PLCB4: variants seen among roughly 807,000 people sequenced by gnomAD.
PLCB4 encodes the protein phospholipase C beta 4.
PLCB4 carries 77 observed loss-of-function variants against 178.8 expected under a neutral mutation model. The ratio of observed to expected loss-of-function variants is 0.43; its 90% CI spans 0.36 to 0.52. The LOEUF is 0.52. Ranked by LOEUF, PLCB4 falls within the 20% of genes least tolerant of loss-of-function variation. The probability of loss-of-function intolerance (pLI) is 0.00; values close to 1 mark genes in which losing one functional copy is unlikely to be tolerated. For missense variants in PLCB4, 1,024 were observed against 1,453.4 expected (o/e 0.70, Z 4.80); for synonymous variants, 496 against 490.8 (o/e 1.01, Z -0.14).
rs575094813 is a variant in PLCB4, at chr20:9,431,051, G to T, written c.2525-4509G>T. ...ACTGTAACAAATAACCACAGACTGGGTGGTTTAAAACAGCAGAGATTTATG... is the reference window on the plus strand; with the variant it reads ...ACTGTAACAAATAACCACAGACTGGTTGGTTTAAAACAGCAGAGATTTATG... On this transcript the variant is annotated intron_variant, in intron 28 of 39. Coordinates refer to ENST00000378473, the MANE Select transcript of PLCB4 (RefSeq NM_001377142.1). Among the ~76,000 whole-genome samples, 18 of 152,316 alleles carry T rather than the reference G, an allele frequency of 1.2e-4. No individual in the cohort carries two copies. In the South Asian group the frequency reaches 3.7e-3, roughly 32 times the overall value.
chr20:9,230,653 T>C lies in PLCB4; in HGVS notation c.-16+13201T>C, dbSNP rs985081427. ...GATTGGGAAGTTCTTTTGGTCTCCA[T>C]TGGGCTCTCTTATGGGTCTCTGTTC... On this transcript the variant is annotated intron_variant, in intron 3 of 39. Coordinates refer to ENST00000378473, the MANE Select transcript of PLCB4 (RefSeq NM_001377142.1). 2.6e-4 allele frequency among the ~76,000 whole-genome samples: 40 copies of C among 152,246 alleles called. No homozygotes were observed. In the South Asian group the frequency reaches 4.4e-3, roughly 17 times the overall value.
intron 35 of PLCB4, 22 bp downstream of exon 35, chr20:9,459,832 G>A: frequency 6.5e-7 from 1 of 1,545,890 alleles, no homozygotes; most frequent in Non-Finnish European, 8.9e-7. Flanking sequence ...GCCGTCTCCA[G>A]AGTAAACATC....
At chr20:9,255,573 G>A (rs1431446860) in intron 3 of PLCB4, among the ~76,000 whole-genome samples, 1 of 137,922 alleles carries the variant, frequency 7.3e-6, no homozygotes, top group African/African-American at 2.7e-5. Flanking sequence ...GCAAAATCAT[G>A]CCCAAACCAA....
intron 2 of PLCB4, among the ~76,000 whole-genome samples, chr20:9,108,377 AG>A (rs1303337220): frequency 6.6e-6 from 1 of 152,068 alleles, no homozygotes; most frequent in Non-Finnish European, 1.5e-5. Flanking sequence ...GGATAAAGTG[AG>A]CTAATGAAGT....
chr20:9,252,924 A>G (rs887221577), intron 3 of PLCB4, among the ~76,000 whole-genome samples: 4 of 152,118 alleles, frequency 2.6e-5, no homozygotes, highest in African/African-American at 9.7e-5. Context: ...GACAGGAGTG[A>G]CACCACTGGC....
chr20:9,112,401 C>T (rs887212262), intron 2 of PLCB4, among the ~76,000 whole-genome samples: 1 of 151,766 alleles, frequency 6.6e-6, no homozygotes, highest in Non-Finnish European at 1.5e-5. Context: ...ATTACAGGCA[C>T]GGGCCACCAT....
chr20:9,137,625 T>C (rs2092409309), intron 2 of PLCB4, among the ~76,000 whole-genome samples: 1 of 152,092 alleles, frequency 6.6e-6, no homozygotes, highest in Non-Finnish European at 1.5e-5. Flanking sequence ...GAAATGGATC[T>C]ATCCATCTGG....
intron 13 of PLCB4, among the ~76,000 whole-genome samples, chr20:9,381,348 C>T (rs193200088): frequency 7.9e-4 from 120 of 152,248 alleles, no homozygotes; most frequent in African/African-American, 2.8e-3. Flanking sequence ...TGGTGGGGCT[C>T]ATGCAGTAAT....
intron 2 of PLCB4, among the ~76,000 whole-genome samples, chr20:9,214,729 A>G (rs1292856030): frequency 6.6e-6 from 1 of 152,164 alleles, no homozygotes; most frequent in Non-Finnish European, 1.5e-5. Context: ...ACATATTACT[A>G]CAACTCCAAG....
At chr20:9,201,240 A>T (rs1038418765) in intron 2 of PLCB4, among the ~76,000 whole-genome samples, 2 of 152,218 alleles carry the variant, frequency 1.3e-5, no homozygotes, top group Admixed American at 6.5e-5. Flanking sequence ...TTGCAATTAA[A>T]TTTAAACTAT....
chr20:9,473,295 C>A lies in PLCB4; in HGVS notation c.3425C>A (p.Ser1142Tyr), dbSNP rs776061898. The A allele has an allele frequency of 6.4e-6, 10 of 1,560,694 alleles. No individual in the cohort carries two copies. In the Admixed American group the frequency reaches 1.1e-4, roughly 17 times the overall value. Residue 1142 changes from serine (S) to tyrosine (Y), a missense_variant, in exon 38 of 40, where the codon TCC (serine) becomes TAC (tyrosine). By Grantham distance (144) the Ser-to-Tyr change is moderately radical. Around this residue, in one of 7 missense-constraint regions of PLCB4, gnomAD observed 264 missense variants for 283.2 expected, o/e 0.93. Transcript: ENST00000378473. ...TTTTTGCAGCTTGCCATGAAGCAGT[C>A]CAAAGAAATGGATCAGTTGAAAAAA... is the stretch of plus-strand genomic sequence containing the variant. ...EERKRLAMKQ[S>Y]KEMDQLKKVQ...
rs560745906 is a variant in PLCB4, at chr20:9,395,572, C to T, written c.1464C>T (p.Ser488=). Residue 488 remains serine (S), a synonymous_variant, in exon 19 of 40, where the codon TCC becomes TCT. Transcript: ENST00000378473. ...TGATGGAAGCTGGAGAATCTGCCTC[C>T]CCAGCAAACATCTTAGAGGACGATA... The part of the protein sequence containing the change: ...RSMMEAGESA[S]PANILEDDNE... 1.0e-4 allele frequency: 166 copies of T among 1,613,754 alleles called. No homozygotes were observed. The East Asian group carries it at 3.7e-3, about 36-fold the overall frequency.
intron 3 of PLCB4, among the ~76,000 whole-genome samples, chr20:9,224,013 AT>A (rs891146533): frequency 2.6e-5 from 4 of 152,152 alleles, no homozygotes; most frequent in African/African-American, 9.7e-5. Flanking sequence ...GGAATTTTCC[AT>A]TTCGTACTTT....
intron 7 of PLCB4, among the ~76,000 whole-genome samples, chr20:9,349,393 A>G (rs931455403): frequency 1.3e-5 from 2 of 152,160 alleles, no homozygotes; most frequent in East Asian, 1.9e-4. Flanking sequence ...GCTGTTTAAT[A>G]TACTGCATTT....
At chr20:9,378,552 C>T (rs765826923) in intron 12 of PLCB4, among the ~76,000 whole-genome samples, 2 of 152,124 alleles carry the variant, frequency 1.3e-5, no homozygotes, top group Non-Finnish European at 2.9e-5. Context: ...AGCATGCCTT[C>T]ACTTGCCTGG....
chr20:9,476,298 A>T (rs749806909), intron 38 of PLCB4, among the ~76,000 whole-genome samples: 1 of 152,192 alleles, frequency 6.6e-6, no homozygotes, highest in Non-Finnish European at 1.5e-5. Context: ...GTTTTTTCAT[A>T]GACTTCCCAG....
intron 3 of PLCB4, among the ~76,000 whole-genome samples, chr20:9,269,230 A>G (rs1242840617): frequency 1.3e-5 from 2 of 152,196 alleles, no homozygotes; most frequent in Non-Finnish European, 2.9e-5. Flanking sequence ...ATCAGTGAGT[A>G]TAGGTTTTAT....
At chr20:9,405,424 TGTG>T (rs1426260716) in intron 21 of PLCB4, 76 bp downstream of exon 21, 2 of 858,862 alleles carry the variant, frequency 2.3e-6, no homozygotes, top group Non-Finnish European at 3.6e-6. Context: ...AGGAATCAGT[TGTG>T]GTGAAAAAAT....
rs117123647 is a variant in PLCB4 at position 9,457,408 on chromosome 20, T to C, written c.2997-6T>C. 2,499 of 1,440,574 alleles carry C rather than the reference T, an allele frequency of 1.7e-3. 2 individuals carry two copies. Among genetic ancestry groups the C allele is most frequent in the Non-Finnish European group, 2.2e-3 (2,283 of 1,021,750 alleles). 89.2% of individuals were successfully genotyped at this position (1,440,574 alleles called of 1,614,324 possible). On this transcript the variant is annotated splice_polypyrimidine_tract_variant and splice_region_variant and intron_variant, in intron 33 of 39. Coordinates refer to ENST00000378473, the MANE Select transcript of PLCB4 (RefSeq NM_001377142.1). Reference sequence around the variant, plus strand: ...CTGGCATGCATTTGCAACTTTCCATTTTCAGGGGAAGTAATTGTCTCGAAA... The same window carrying C: ...CTGGCATGCATTTGCAACTTTCCATCTTCAGGGGAAGTAATTGTCTCGAAA...
Sources: allele counts gnomAD v4.1 joint callset (sites outside exome capture counted in the v4.1 genomes callset), GRCh38; gene constraint gnomAD v4.1.1; regional missense constraint gnomAD v4.1.1; transcripts MANE v1.5; gene names NCBI Gene and HGNC (gene_info 2026-07-23, HGNC 2026-07-21).